Variants in FOXN3 observed in about 807,000 individuals in gnomAD.
The protein encoded by FOXN3 is forkhead box protein N3.
A neutral mutation model predicts 38.4 loss-of-function variants in FOXN3; 7 were observed. That is an observed-to-expected ratio of 0.18 (90% confidence interval 0.10 to 0.34). The LOEUF is 0.34. Ranked by LOEUF, FOXN3 falls within the 10% of genes least tolerant of loss-of-function variation. The probability of loss-of-function intolerance (pLI) is 1.00; values close to 1 mark genes in which losing one functional copy is unlikely to be tolerated. For synonymous variants in FOXN3, 230 were observed against 242.2 expected (o/e 0.95, Z 0.47); for missense variants, 456 against 613.4 (o/e 0.74, Z 2.71).
chr14:89,190,422 A>G, intron 4 of FOXN3: 1 of 1,614,070 alleles, frequency 6.2e-7, no homozygotes, highest in Non-Finnish European at 8.5e-7. Flanking sequence ...CAAAAGCATC[A>G]TGGCACTGGC....
intron 3 of FOXN3, among the ~76,000 whole-genome samples, chr14:89,291,764 A>C (rs1566948576): frequency 6.6e-6 from 1 of 152,192 alleles, no homozygotes; most frequent in Non-Finnish European, 1.5e-5. Context: ...GTGTTTGCGA[A>C]CTGCGATTGA....
chr14:89,329,917 C>T (rs994034999), intron 3 of FOXN3, among the ~76,000 whole-genome samples: 8 of 139,026 alleles, frequency 5.8e-5, no homozygotes, highest in African/African-American at 2.2e-4. Flanking sequence ...GTCAATAGTA[C>T]CAAGGCGGAA....
intron 4 of FOXN3, chr14:89,184,115 G>A (rs1887742968): frequency 6.6e-6 from 1 of 152,194 alleles, no homozygotes; most frequent in Non-Finnish European, 1.5e-5. Flanking sequence ...GGAACAGAAT[G>A]GGACAGAAAC....
Position 89,339,059 on chromosome 14 carries a change from G to A in FOXN3, c.680+11613C>T, listed in dbSNP as rs949752480. On this transcript the variant is annotated intron_variant, in intron 3 of 5. Coordinates refer to ENST00000557258, the MANE Select transcript of FOXN3 (RefSeq NM_005197.4). ...CTTGTTACCCAGGCTGGAGTGCAAC[G>A]GTGCGATCTCGGCTCACTGCAACCT... Among the ~76,000 whole-genome samples, 7 of 152,068 alleles carry A rather than the reference G, an allele frequency of 4.6e-5. No individual in the cohort carries two copies. The East Asian group carries it at 1.2e-3, about 25-fold the overall frequency.
At chr14:89,450,659 C>A (rs1451094923) in intron 1 of FOXN3, among the ~76,000 whole-genome samples, 1 of 151,822 alleles carries the variant, frequency 6.6e-6, no homozygotes, top group Admixed American at 6.6e-5. Flanking sequence ...AATCTCGGCT[C>A]ACTGTAACAT....
intron 1 of FOXN3, among the ~76,000 whole-genome samples, chr14:89,584,551 A>G (rs913604415): frequency 8.5e-5 from 13 of 152,162 alleles, no homozygotes; most frequent in African/African-American, 3.1e-4. Context: ...ATTTAGTATA[A>G]CTGGTCTTTT....
intron 2 of FOXN3, among the ~76,000 whole-genome samples, chr14:89,396,054 CA>C (rs1422351917): frequency 6.6e-6 from 1 of 152,090 alleles, no homozygotes; most frequent in Non-Finnish European, 1.5e-5. Context: ...GCAGGTAATG[CA>C]AAATAGTGTC....
At chr14:89,272,125 C>A (rs371603595) in intron 4 of FOXN3, among the ~76,000 whole-genome samples, 3 of 152,118 alleles carry the variant, frequency 2.0e-5, no homozygotes, top group African/African-American at 7.2e-5. Context: ...ACCTGACCAA[C>A]ATGGTGAAAC....
intron 1 of FOXN3, among the ~76,000 whole-genome samples, chr14:89,530,652 C>G (rs1358939421): frequency 6.6e-6 from 1 of 151,670 alleles, no homozygotes; most frequent in East Asian, 1.9e-4. Context: ...ATCTATTGCC[C>G]AGGCTGGAGT....
chr14:89,571,191 G>T (rs17126065), intron 1 of FOXN3, among the ~76,000 whole-genome samples: 10,018 of 152,078 alleles, frequency 0.066, 782 homozygotes, highest in African/African-American at 0.18. Flanking sequence ...AATTCCTAGA[G>T]GGAGAGAGAG....
chr14:89,289,986 A>C (rs1886815544), intron 3 of FOXN3, among the ~76,000 whole-genome samples: 1 of 152,210 alleles, frequency 6.6e-6, no homozygotes, highest in Admixed American at 6.5e-5. Flanking sequence ...AATGTTCACA[A>C]GTCACCACGT....
chr14:89,578,184 C>G (rs1895673551), intron 1 of FOXN3, among the ~76,000 whole-genome samples: 1 of 152,168 alleles, frequency 6.6e-6, no homozygotes, highest in African/African-American at 2.4e-5. Context: ...TGATACTTTT[C>G]CATTAAAGAA....
intron 4 of FOXN3, among the ~76,000 whole-genome samples, chr14:89,276,589 C>G (rs776604763): frequency 6.6e-6 from 1 of 151,872 alleles, no homozygotes; most frequent in Admixed American, 6.6e-5. Flanking sequence ...GACCACAGAA[C>G]GGGCTGTGAG....
Position 89,518,801 on chromosome 14 carries a change from G to C in FOXN3, c.-15+100227C>G, listed in dbSNP as rs984352262. Among the ~76,000 whole-genome samples, 17 of 152,084 alleles carry C rather than the reference G, an allele frequency of 1.1e-4. No individual in the cohort carries two copies. The South Asian group carries it at 1.5e-3, about 13-fold the overall frequency. ...GGAGGCTGAGGCCATTGGATCATGA[G>C]GCCAGGAGTTCAAGACCAGCCTGGC... is the stretch of plus-strand genomic sequence containing the variant. On this transcript the variant is annotated intron_variant, in intron 1 of 6. Coordinates refer to the FOXN3 transcript ENST00000345097.
rs986320716 is a variant in FOXN3 at position 89,397,252 on chromosome 14, T to C, written c.543+14682A>G. ...TAAATGATGAGAACACATGGACACA[T>C]AGTAGGGAGCAACACACACTGGGGC... On this transcript the variant is annotated intron_variant, in intron 2 of 5. Coordinates refer to ENST00000557258, the MANE Select transcript of FOXN3 (RefSeq NM_005197.4). Among the ~76,000 whole-genome samples, 3 of 151,628 alleles carry C rather than the reference T, an allele frequency of 2.0e-5. No homozygotes were observed. The South Asian group carries it at 6.2e-4, about 32-fold the overall frequency.
At chr14:89,478,298 C>T (rs948684293) in intron 1 of FOXN3, among the ~76,000 whole-genome samples, 1 of 152,148 alleles carries the variant, frequency 6.6e-6, no homozygotes, top group African/African-American at 2.4e-5. Context: ...GTACAGCCTG[C>T]AGAACCATGA....
intron 3 of FOXN3, among the ~76,000 whole-genome samples, chr14:89,310,154 A>C (rs1887491878): frequency 6.6e-6 from 1 of 152,218 alleles, no homozygotes. Context: ...AATGTACACC[A>C]TCCTCTGCTA....
In FOXN3 at chr14:89,162,487, C is replaced by T. The variant is rs147844828; in HGVS notation, c.1334G>A (p.Arg445Gln). 7 of 1,612,612 alleles carry T rather than the reference C, an allele frequency of 4.3e-6. No individual in the cohort carries two copies. Among genetic ancestry groups the T allele is most frequent in the Middle Eastern group, 1.6e-4 (1 of 6,078 alleles). The change falls in exon 6 of 6, where the codon CGG (arginine) becomes CAG (glutamine). Residue 445 changes from arginine to glutamine, a missense_variant. Physicochemically the swap from Arg to Gln is conservative, Grantham distance 43. Transcript: ENST00000557258. The surrounding 1 kb of genome is among the most constrained non-coding windows in gnomAD (Gnocchi z 7.2). The stretch of plus-strand genomic sequence containing the variant: ...ATTGGTGATGTTATTCAAACAGGAC[C>T]GGATCCCTGCTAAGTGCAGGAGGGA... ...AGSLLHLAGI[R>Q]SCLNNITNRT... is the part of the protein sequence containing the mutation.
At chr14:89,598,160 C>A (rs1453422280) in intron 1 of FOXN3, among the ~76,000 whole-genome samples, 1 of 152,152 alleles carries the variant, frequency 6.6e-6, no homozygotes, top group Non-Finnish European at 1.5e-5. Context: ...CTGTACACTA[C>A]AAGGAACTTA....
Sources: allele counts gnomAD v4.1 joint callset (sites outside exome capture counted in the v4.1 genomes callset), GRCh38; gene constraint gnomAD v4.1.1; non-coding constraint Gnocchi (gnomAD v3.1); transcripts MANE v1.5; gene names NCBI Gene and HGNC (gene_info 2026-07-23, HGNC 2026-07-21).